Variants in RASSF3 observed in about 807,000 individuals in gnomAD.
RASSF3 encodes Ras association domain family member 3.
In RASSF3, 19 loss-of-function variants were observed where a neutral mutation model predicts 19.9. The observed-to-expected ratio is 0.96, with a 90% CI of 0.67 to 1.40. The LOEUF is 1.40. RASSF3 is among the 40% of genes most tolerant of loss of function. The pLI is 0.00. For missense variants in RASSF3, 306 were observed against 289.8 expected, an observed-to-expected ratio of 1.06 and a Z score of -0.41; for synonymous variants, 110 against 104.2, an observed-to-expected ratio of 1.06 and a Z score of -0.34.
chr12:64,688,456 A>T lies in RASSF3; in HGVS notation c.457+3A>T, dbSNP rs778941329. ...GCGTTGTCACAGGGAAGACCAAGGT[A>T]CGCTGCCAGCTTAAAAGGAAAATGG... On this transcript the variant is annotated splice_donor_region_variant and intron_variant, in intron 3 of 4. Transcript: ENST00000542104. The T allele has an allele frequency of 2.5e-6, 4 of 1,600,744 alleles. No individual in the cohort carries two copies. In the African/African-American group the frequency reaches 5.4e-5, roughly 21 times the overall value.
At chr12:64,588,047 G>A (rs1193637969) in intron 2 of RASSF3, among the ~76,000 whole-genome samples, 1 of 152,116 alleles carries the variant, frequency 6.6e-6, no homozygotes, top group African/African-American at 2.4e-5. Context: ...GAATAAGAAG[G>A]AATAATATCA....
At chr12:64,579,023 A>G (rs1159190672) in intron 2 of RASSF3, among the ~76,000 whole-genome samples, 1 of 152,046 alleles carries the variant, frequency 6.6e-6, no homozygotes, top group Admixed American at 6.6e-5. Flanking sequence ...GCTACTTGGG[A>G]GGCTGAGGCA....
intron 3 of RASSF3, 122 bp downstream of exon 3, chr12:64,688,575 G>T: frequency 1.3e-6 from 1 of 743,498 alleles, no homozygotes; most frequent in Non-Finnish European, 2.3e-6. Flanking sequence ...GGAGTCCGAT[G>T]CTGGAAGCCA....
chr12:64,602,352 G>T (rs1465326901), intron 2 of RASSF3, among the ~76,000 whole-genome samples: 1 of 151,358 alleles, frequency 6.6e-6, no homozygotes, highest in Non-Finnish European at 1.5e-5. Flanking sequence ...AGGCTGAGGC[G>T]GGTGAATCAT....
At chr12:64,683,024 T>C (rs1873196436) in intron 1 of RASSF3, among the ~76,000 whole-genome samples, 1 of 152,168 alleles carries the variant, frequency 6.6e-6, no homozygotes, top group Admixed American at 6.5e-5. Flanking sequence ...ACTAGTTGGG[T>C]TGTCCTTGGA....
intron 1 of RASSF3, among the ~76,000 whole-genome samples, chr12:64,541,002 T>C (rs1480254201): frequency 6.7e-6 from 1 of 150,372 alleles, no homozygotes; most frequent in Non-Finnish European, 1.5e-5. Flanking sequence ...TTTTTTTTTT[T>C]CTAAGTAAGG....
intron 1 of RASSF3, among the ~76,000 whole-genome samples, chr12:64,519,767 A>G (rs1006987080): frequency 2.0e-5 from 3 of 152,136 alleles, no homozygotes; most frequent in Non-Finnish European, 2.9e-5. Flanking sequence ...ATATCTCAAT[A>G]AAGTGTTTAT....
chr12:64,624,197 A>G (rs1055350116), intron 1 of RASSF3, among the ~76,000 whole-genome samples: 3 of 151,910 alleles, frequency 2.0e-5, no homozygotes, highest in African/African-American at 7.3e-5. Flanking sequence ...ATCCACTTAC[A>G]ATCCATTCCT....
intron 2 of RASSF3, among the ~76,000 whole-genome samples, chr12:64,604,355 C>T (rs972102044): frequency 7.2e-5 from 11 of 151,950 alleles, no homozygotes; most frequent in African/African-American, 1.9e-4. Flanking sequence ...CCAACTCCTG[C>T]GTTCAAGCTA....
At chr12:64,629,106 CTT>C (rs776053378) in intron 1 of RASSF3, among the ~76,000 whole-genome samples, 39 of 136,062 alleles carry the variant, frequency 2.9e-4, no homozygotes, top group Non-Finnish European at 3.1e-4. Context: ...GACTAATTTT[CTT>C]TTTTTTTTTT....
At chr12:64,638,426 A>T (rs1458275614) in intron 1 of RASSF3, among the ~76,000 whole-genome samples, 1 of 151,926 alleles carries the variant, frequency 6.6e-6, no homozygotes, top group Non-Finnish European at 1.5e-5. Flanking sequence ...TAAAAATACA[A>T]ACAATTAGCT....
rs1242052666 is a variant in RASSF3, at chr12:64,696,185, A to G, written c.*1273A>G. On this transcript the variant is annotated 3_prime_UTR_variant, in exon 5 of 5. Coordinates refer to ENST00000542104, the MANE Select transcript of RASSF3 (RefSeq NM_178169.4). The stretch of plus-strand genomic sequence containing the variant: ...ATTGAAATCTGTTCTTACATAATAG[A>G]GAACAGGGCTATTGAATAAAGACCC... The G allele has an allele frequency of 6.8e-6, 1 of 146,226 alleles. No homozygotes were observed. The highest frequency in any genetic ancestry group is 1.5e-5 in the Non-Finnish European group (1 of 67,412). 9.1% of individuals were successfully genotyped at this position (146,226 alleles called of 1,614,324 possible). A position where few individuals can be genotyped will look rare whatever the true frequency, so the allele number is the denominator to read the frequency against.
At chr12:64,591,906 G>GT (rs527640122) in intron 2 of RASSF3, among the ~76,000 whole-genome samples, 3,968 of 142,748 alleles carry the variant, frequency 0.028, 144 homozygotes, top group African/African-American at 0.086. Context: ...TTCGGTTGCT[G>GT]TTTTTTTTTT....
chr12:64,640,298 T>A (rs1189393293), intron 1 of RASSF3, among the ~76,000 whole-genome samples: 1 of 151,980 alleles, frequency 6.6e-6, no homozygotes, highest in Non-Finnish European at 1.5e-5. Flanking sequence ...CCTGTGTCAC[T>A]TTTTTTTGTG....
chr12:64,577,881 C>T (rs1285513381), intron 2 of RASSF3, among the ~76,000 whole-genome samples: 1 of 152,030 alleles, frequency 6.6e-6, no homozygotes, highest in Non-Finnish European at 1.5e-5. Context: ...ATGTCTCAAT[C>T]ATGGTTTCTG....
At chr12:64,607,970 TG>T (rs1281138879), upstream of RASSF3, among the ~76,000 whole-genome samples, 1 of 152,144 alleles carries the variant, frequency 6.6e-6, no homozygotes, top group African/African-American at 2.4e-5. Context: ...GGTCTCATTT[TG>T]TTGCCCAGGC....
chr12:64,541,139 C>G (rs1470079059), intron 1 of RASSF3, among the ~76,000 whole-genome samples: 1 of 150,872 alleles, frequency 6.6e-6, no homozygotes, highest in Admixed American at 6.6e-5. Flanking sequence ...GCACCCACCA[C>G]CACATCTGGC....
chr12:64,615,126 A>G (rs1262473808), intron 1 of RASSF3, among the ~76,000 whole-genome samples: 1 of 152,236 alleles, frequency 6.6e-6, no homozygotes, highest in African/African-American at 2.4e-5. Context: ...GTTTTCAGCA[A>G]AACCAAAAAT....
intron 1 of RASSF3, among the ~76,000 whole-genome samples, chr12:64,512,488 C>T (rs10878183): frequency 0.1 from 15,231 of 152,044 alleles, 1,054 homozygotes; most frequent in Middle Eastern, 0.21. Context: ...GAGAGGGAGA[C>T]AGCTTGAAAC....
Sources: allele counts gnomAD v4.1 joint callset (sites outside exome capture counted in the v4.1 genomes callset), GRCh38; gene constraint gnomAD v4.1.1; transcripts MANE v1.5; gene names NCBI Gene and HGNC (gene_info 2026-07-23, HGNC 2026-07-21).